Variants in ABCB1 observed in about 807,000 individuals in gnomAD.
The protein encoded by ABCB1 is ATP binding cassette subfamily B member 1.
In ABCB1, 69 loss-of-function variants were observed where a neutral mutation model predicts 142.0. The observed-to-expected ratio is 0.49, with a 90% CI of 0.40 to 0.59. ABCB1 has a LOEUF of 0.59. Ranked by LOEUF, ABCB1 falls within the 20% of genes least tolerant of loss-of-function variation. ABCB1 has a pLI of 0.00. For missense variants in ABCB1, 1,326 were observed against 1,554.7 expected (o/e 0.85, Z 2.47); for synonymous variants, 532 against 539.2 (o/e 0.99, Z 0.18).
chr7:87,598,878 A>G (rs978877659), intron 2 of ABCB1, among the ~76,000 whole-genome samples: 1 of 151,898 alleles, frequency 6.6e-6, no homozygotes, highest in Non-Finnish European at 1.5e-5. Context: ...CTCACTTTCT[A>G]TTTTTCCTGT....
Position 87,515,339 on chromosome 7 carries a change from C to T in ABCB1, c.3174G>A (p.Leu1058=). 1 of 1,614,166 alleles carries T rather than the reference C, an allele frequency of 6.2e-7. No homozygotes were observed. The highest frequency in any genetic ancestry group is 1.1e-5 in the South Asian group (1 of 91,078). Residue 1058 remains leucine (L), a synonymous_variant, in exon 25 of 28, where the codon CTG becomes CTA. Transcript: ENST00000622132. ...PDIPVLQGLS[L]EVKKGQTLAL... The stretch of plus-strand genomic sequence containing the variant: ...CCAGCGTCTGGCCCTTCTTCACCTC[C>T]AGGCTCAGTCCCTGAAGCACTGGGA...
chr7:87,519,599 T>G, intron 22 of ABCB1, 133 bp from the exon 23 acceptor site: 3 of 1,006,280 alleles, frequency 3.0e-6, no homozygotes, highest in Non-Finnish European at 4.6e-6. Flanking sequence ...GAACTAAGTT[T>G]GGTCCTCACT....
chr7:87,647,632 A>T (rs1823142408), intron 1 of ABCB1, among the ~76,000 whole-genome samples: 1 of 152,218 alleles, frequency 6.6e-6, no homozygotes, highest in Admixed American at 6.5e-5. Flanking sequence ...TAGTTAAGTA[A>T]CATCAGTCCT....
At chr7:87,666,488 G>A (rs1331171740) in intron 1 of ABCB1, among the ~76,000 whole-genome samples, 1 of 152,086 alleles carries the variant, frequency 6.6e-6, no homozygotes, top group African/African-American at 2.4e-5. Flanking sequence ...AAGCTCTTAA[G>A]TTTAATTAGA....
chr7:87,585,496 C>T lies in ABCB1; in HGVS notation c.286+16G>A. On this transcript the variant is annotated intron_variant, in intron 4 of 27. Transcript: ENST00000622132. The stretch of plus-strand genomic sequence containing the variant: ...CTGCAAGTTTCCAATAAAATTGGTA[C>T]ACAAACAATACTTACTTCTATTAGT... The T allele has an allele frequency of 1.2e-6, 2 of 1,612,544 alleles. No individual in the cohort carries two copies. The highest frequency in any genetic ancestry group is 1.1e-5 in the South Asian group (1 of 91,046).
intron 1 of ABCB1, among the ~76,000 whole-genome samples, chr7:87,664,480 A>G (rs1825034145): frequency 6.6e-6 from 1 of 152,222 alleles, no homozygotes. Context: ...AAAGACATCA[A>G]AGCAGCCATT....
In ABCB1 at chr7:87,530,838, C is replaced by CAAGAAAGCAAGAAAGCAAGA. The variant is rs1412073870; in HGVS notation, c.2685+455_2685+456insTCTTGCTTTCTTGCTTTCTT. Among the ~76,000 whole-genome samples the CAAGAAAGCAAGAAAGCAAGA allele has an allele frequency of 2.9e-3, 208 of 71,212 alleles. 2 individuals carry two copies. Among genetic ancestry groups the CAAGAAAGCAAGAAAGCAAGA allele is most frequent in the African/African-American group, 7.8e-3 (123 of 15,846 alleles). 46.7% of individuals were successfully genotyped at this position (71,212 alleles called of 152,430 possible). A position where few individuals can be genotyped will look rare whatever the true frequency, so the allele number is the denominator to read the frequency against. On this transcript the variant is annotated intron_variant, in intron 21 of 27. Coordinates refer to ENST00000622132, the MANE Select transcript of ABCB1 (RefSeq NM_001348946.2). ...GCAAGAAAGCAAGAAAGCAAGAAAG[C>CAAGAAAGCAAGAAAGCAAGA]AAGAAAGAAAGAAAGAAAGAAAGAA...
At chr7:87,625,461 G>T (rs368988592) in intron 1 of ABCB1, among the ~76,000 whole-genome samples, 23 of 152,108 alleles carry the variant, frequency 1.5e-4, no homozygotes, top group African/African-American at 5.3e-4. Context: ...TGCTTCAGAG[G>T]CATGTGTGTT....
intron 21 of ABCB1, among the ~76,000 whole-genome samples, 187 bp downstream of exon 21, chr7:87,531,107 A>T (rs1816036560): frequency 6.6e-6 from 1 of 152,220 alleles, no homozygotes; most frequent in African/African-American, 2.4e-5. Flanking sequence ...TCAGTTTTTG[A>T]GTCCAAGAAC....
intron 3 of ABCB1, among the ~76,000 whole-genome samples, chr7:87,587,874 CAAA>C (rs35238388): frequency 7.3e-5 from 6 of 82,066 alleles, no homozygotes; most frequent in Admixed American, 1.3e-4. Flanking sequence ...GACTCTGTCT[CAAA>C]AAAAAAAAAA....
chr7:87,625,047 G>C (rs1010637842), intron 1 of ABCB1, among the ~76,000 whole-genome samples: 3 of 152,176 alleles, frequency 2.0e-5, no homozygotes, highest in East Asian at 1.9e-4. Flanking sequence ...ACGAGGTCAG[G>C]AGATCGAGAC....
At chr7:87,515,114 C>T in intron 25 of ABCB1, 117 bp downstream of exon 25, 1 of 1,327,870 alleles carries the variant, frequency 7.5e-7, no homozygotes, top group Non-Finnish European at 1.0e-6. Flanking sequence ...AGACTTTATC[C>T]AAGTGGGACT....
chr7:87,700,717 C>A, intron 1 of ABCB1: 1 of 624,468 alleles, frequency 1.6e-6, no homozygotes, highest in Non-Finnish European at 2.6e-6. Flanking sequence ...ATTATCTAAA[C>A]TAGTGGCTCT....
intron 17 of ABCB1, 45 bp downstream of exon 17, chr7:87,544,084 C>A (rs201132558): frequency 6.2e-6 from 10 of 1,608,450 alleles, no homozygotes; most frequent in Non-Finnish European, 8.5e-6. Context: ...TTCATTCTTC[C>A]ATCAGGATTC....
intron 1 of ABCB1, among the ~76,000 whole-genome samples, chr7:87,655,034 C>G (rs1305506313): frequency 6.6e-6 from 1 of 151,992 alleles, no homozygotes; most frequent in African/African-American, 2.4e-5. Flanking sequence ...CGAAGGATAA[C>G]AAGTGCTGGA....
At chr7:87,631,477 G>C (rs1284253915) in intron 1 of ABCB1, among the ~76,000 whole-genome samples, 1 of 152,060 alleles carries the variant, frequency 6.6e-6, no homozygotes, top group East Asian at 1.9e-4. Context: ...TGCAAGCTCC[G>C]CCTCCCGGGT....
At chr7:87,543,510 G>A (rs1314861181) in intron 17 of ABCB1, among the ~76,000 whole-genome samples, 2 of 152,076 alleles carry the variant, frequency 1.3e-5, no homozygotes, top group East Asian at 3.9e-4. Flanking sequence ...GTTATGGCAA[G>A]GGTGTCCTCA....
chr7:87,629,642 A>C (rs921929696), intron 1 of ABCB1, among the ~76,000 whole-genome samples: 2 of 152,112 alleles, frequency 1.3e-5, no homozygotes, highest in African/African-American at 4.8e-5. Context: ...AATAATTACT[A>C]TTGGGCCGGG....
At chr7:87,521,457 C>T (rs1218017831) in intron 21 of ABCB1, 8 of 711,842 alleles carry the variant, frequency 1.1e-5, no homozygotes, top group Non-Finnish European at 1.8e-5. Flanking sequence ...TTTCCCCTGC[C>T]GTCATGTCTA....
Sources: allele counts gnomAD v4.1 joint callset (sites outside exome capture counted in the v4.1 genomes callset), GRCh38; gene constraint gnomAD v4.1.1; transcripts MANE v1.5; gene names NCBI Gene and HGNC (gene_info 2026-07-23, HGNC 2026-07-21).